GABBR2: variants seen among roughly 807,000 people sequenced by gnomAD.
GABBR2 encodes the protein gamma-aminobutyric acid type B receptor subunit 2, also known as G-protein coupled receptor 51.
Under a neutral mutation model 105.6 loss-of-function variants are expected in GABBR2, and 23 were observed. The observed-to-expected ratio is 0.22, with a 90% CI of 0.16 to 0.31. GABBR2 has a LOEUF of 0.31. GABBR2 is among the 10% of genes least tolerant of loss of function. The pLI is 1.00. For missense variants in GABBR2, 734 were observed against 1,245.5 expected (o/e 0.59, Z 6.18); for synonymous variants, 478 against 499.7 (o/e 0.96, Z 0.58).
At chr9:98,640,126 A>ATATC (rs1016736880) in intron 1 of GABBR2, among the ~76,000 whole-genome samples, 4 of 120,832 alleles carry the variant, frequency 3.3e-5, no homozygotes, top group African/African-American at 1.4e-4. Flanking sequence ...ACAACCATAT[A>ATATC]TATATATATA....
chr9:98,520,948 T>A (rs1242603213), intron 3 of GABBR2, among the ~76,000 whole-genome samples: 1 of 151,924 alleles, frequency 6.6e-6, no homozygotes, highest in Non-Finnish European at 1.5e-5. Context: ...TAAAACCAGA[T>A]ATGAAGAAAG....
At chr9:98,352,674 G>A (rs1390626033) in intron 13 of GABBR2, among the ~76,000 whole-genome samples, 1 of 152,134 alleles carries the variant, frequency 6.6e-6, no homozygotes, top group African/African-American at 2.4e-5. Flanking sequence ...CTGCTGGAGG[G>A]GGAGGGGTTA....
In GABBR2 at chr9:98,684,169, T is replaced by TTA. The variant is rs376323708; in HGVS notation, c.321+24247_321+24248insTA. Among the ~76,000 whole-genome samples, 48 of 66,140 alleles carry TTA rather than the reference T, an allele frequency of 7.3e-4. 6 individuals carry two copies. Among genetic ancestry groups the TTA allele is most frequent in the South Asian group, 3.6e-3 (7 of 1,952 alleles). The allele number at this position is 66,140 out of a possible 152,430, so 43.4% of individuals were successfully genotyped here. On this transcript the variant is annotated intron_variant, in intron 1 of 18. Coordinates refer to ENST00000259455, the MANE Select transcript of GABBR2 (RefSeq NM_005458.8). Reference sequence around the variant, plus strand: ...AAAAGAAGAATGCATTTTACCACGGTAAAAAAAAAAAAAAAAAAAAAAAAA... The same window carrying TTA: ...AAAAGAAGAATGCATTTTACCACGGTTAAAAAAAAAAAAAAAAAAAAAAAAAA...
chr9:98,692,525 C>A (rs1239904134), intron 1 of GABBR2, among the ~76,000 whole-genome samples: 3 of 152,206 alleles, frequency 2.0e-5, no homozygotes, highest in Non-Finnish European at 4.4e-5. Flanking sequence ...TAAGGGCCTT[C>A]GGGAACAGCC....
At chr9:98,624,399 G>T (rs1053697707) in intron 1 of GABBR2, among the ~76,000 whole-genome samples, 1 of 152,094 alleles carries the variant, frequency 6.6e-6, no homozygotes, top group African/African-American at 2.4e-5. Flanking sequence ...TCTCACCCCC[G>T]TTCCATGAGA....
rs917995746 is a variant in GABBR2 at position 98,607,691 on chromosome 9, T to C, written c.322-29619A>G. 28 of 751,672 alleles carry C rather than the reference T, an allele frequency of 3.7e-5. No individual in the cohort carries two copies. In the African/African-American group the frequency reaches 4.3e-4, roughly 12 times the overall value. The allele number at this position is 751,672 out of a possible 1,614,324, so 46.6% of individuals were successfully genotyped here. On this transcript the variant is annotated intron_variant, in intron 1 of 18. Transcript: ENST00000259455. ...TTTACAATTCTAAGAAATATGTTGA[T>C]AAGAACACACATGCAGGACTTGAAA...
chr9:98,552,386 C>A (rs754420368), intron 2 of GABBR2, among the ~76,000 whole-genome samples: 14 of 152,114 alleles, frequency 9.2e-5, no homozygotes, highest in Non-Finnish European at 1.6e-4. Flanking sequence ...TCTAGGGTTC[C>A]TTTCAGCTGA....
At chr9:98,339,918 A>G (rs1831180214) in intron 13 of GABBR2, among the ~76,000 whole-genome samples, 1 of 152,142 alleles carries the variant, frequency 6.6e-6, no homozygotes, top group African/African-American at 2.4e-5. Flanking sequence ...CCTTCTGGGC[A>G]CACGGTAGGA....
intron 16 of GABBR2, among the ~76,000 whole-genome samples, chr9:98,299,849 G>A (rs1830440640): frequency 6.6e-6 from 1 of 152,030 alleles, no homozygotes; most frequent in Non-Finnish European, 1.5e-5. Context: ...AACATAATAA[G>A]GGCAACTTGC....
chr9:98,412,744 T>C (rs907622145), intron 7 of GABBR2, among the ~76,000 whole-genome samples: 8 of 152,236 alleles, frequency 5.3e-5, no homozygotes, highest in South Asian at 2.1e-4. Flanking sequence ...AAACTGGCTA[T>C]GAAGAAATCA....
chr9:98,398,780 A>G (rs1176157062), intron 8 of GABBR2, among the ~76,000 whole-genome samples: 1 of 152,150 alleles, frequency 6.6e-6, no homozygotes, highest in African/African-American at 2.4e-5. Flanking sequence ...TAGAACAGAG[A>G]CAGACTTTGT....
intron 13 of GABBR2, among the ~76,000 whole-genome samples, chr9:98,347,643 T>C (rs1423466666): frequency 1.3e-5 from 2 of 152,246 alleles, no homozygotes; most frequent in African/African-American, 2.4e-5. Context: ...ATAAAATCTT[T>C]GCTTAAACCA....
intron 10 of GABBR2, among the ~76,000 whole-genome samples, chr9:98,387,004 G>A (rs560498592): frequency 6.6e-6 from 1 of 152,216 alleles, no homozygotes; most frequent in South Asian, 2.1e-4. Context: ...AGATGACGCT[G>A]GGTCCTTGGA....
intron 14 of GABBR2, among the ~76,000 whole-genome samples, chr9:98,309,223 G>A (rs902297567): frequency 2.0e-5 from 3 of 152,188 alleles, no homozygotes; most frequent in African/African-American, 4.8e-5. Context: ...TTAGCTTCAC[G>A]GGAAGACATA....
At chr9:98,446,942 A>G (rs1329710500) in intron 7 of GABBR2, among the ~76,000 whole-genome samples, 2 of 152,126 alleles carry the variant, frequency 1.3e-5, no homozygotes, top group African/African-American at 2.4e-5. Flanking sequence ...CAACTGGAAG[A>G]ATGACCAGCC....
At chr9:98,503,757 G>A (rs974618899) in intron 3 of GABBR2, among the ~76,000 whole-genome samples, 51 of 152,244 alleles carry the variant, frequency 3.3e-4, no homozygotes, top group Admixed American at 1.0e-3. Context: ...CTGGCTCAGG[G>A]TCTTTCAGGA....
At chr9:98,399,562 C>T (rs1185508953) in intron 8 of GABBR2, among the ~76,000 whole-genome samples, 1 of 152,130 alleles carries the variant, frequency 6.6e-6, no homozygotes, top group South Asian at 2.1e-4. Context: ...TTGCATCTTA[C>T]CCTACTCAGC....
chr9:98,633,626 C>CA (rs11301472), intron 1 of GABBR2, among the ~76,000 whole-genome samples: 67 of 84,266 alleles, frequency 8.0e-4, no homozygotes, highest in East Asian at 5.5e-3. Flanking sequence ...GACTCCATCT[C>CA]AAAAAAAAAA....
intron 13 of GABBR2, among the ~76,000 whole-genome samples, chr9:98,343,597 C>T (rs955934688): frequency 6.6e-6 from 1 of 152,200 alleles, no homozygotes; most frequent in African/African-American, 2.4e-5. Flanking sequence ...CGGTGGCTCA[C>T]ACCTGTAATC....
Sources: gnomAD v4.1 joint callset for allele counts (sites outside exome capture counted in the v4.1 genomes callset) on GRCh38, gnomAD v4.1.1 for gene constraint, MANE v1.5 for transcripts, NCBI Gene and HGNC (gene_info 2026-07-23, HGNC 2026-07-21) for gene names.